Variants in LDB2 observed in about 807,000 individuals in gnomAD.
LDB2 encodes LIM domain binding 2.
Under a neutral mutation model 44.3 loss-of-function variants are expected in LDB2, and 12 were observed. The observed-to-expected ratio is 0.27, with a 90% CI of 0.17 to 0.44. LDB2 has a LOEUF of 0.44. Ranked by LOEUF, LDB2 falls within the 20% of genes least tolerant of loss-of-function variation. The pLI, the probability that LDB2 is intolerant of heterozygous loss-of-function variation, is 1.00. For missense variants in LDB2, 344 were observed against 473.5 expected, an observed-to-expected ratio of 0.73 and a Z score of 2.54; for synonymous variants, 164 against 174.8, an observed-to-expected ratio of 0.94 and a Z score of 0.49.
At chr4:16,810,344 T>A (rs1340722522) in intron 1 of LDB2, among the ~76,000 whole-genome samples, 1 of 152,176 alleles carries the variant, frequency 6.6e-6, no homozygotes, top group Non-Finnish European at 1.5e-5. Context: ...AAACTCTACC[T>A]CATTCCAGAC....
intron 2 of LDB2, among the ~76,000 whole-genome samples, chr4:16,752,647 G>A (rs1765708252): frequency 6.6e-6 from 1 of 152,168 alleles, no homozygotes; most frequent in Admixed American, 6.5e-5. Context: ...TTTACTCTGT[G>A]CTTTTCAAGA....
chr4:16,885,446 G>A (rs907283096), intron 1 of LDB2, among the ~76,000 whole-genome samples: 9 of 152,200 alleles, frequency 5.9e-5, no homozygotes, highest in Non-Finnish European at 1.2e-4. Context: ...ACAAATATGA[G>A]CAAGATAGTG....
chr4:16,864,623 C>T (rs891525216), intron 1 of LDB2, among the ~76,000 whole-genome samples: 1 of 152,172 alleles, frequency 6.6e-6, no homozygotes, highest in Non-Finnish European at 1.5e-5. Flanking sequence ...GCAACCAACT[C>T]TTAAGAAATA....
chr4:16,739,595 TA>T (rs1305144396), intron 2 of LDB2, among the ~76,000 whole-genome samples: 1 of 86,354 alleles, frequency 1.2e-5, no homozygotes, highest in Non-Finnish European at 2.2e-5. Context: ...AAAAAATATA[TA>T]TATATATATA....
intron 5 of LDB2, among the ~76,000 whole-genome samples, chr4:16,524,675 G>A (rs1468743586): frequency 6.6e-6 from 1 of 152,174 alleles, no homozygotes; most frequent in East Asian, 1.9e-4. Context: ...TAAACCCTCT[G>A]CAAATGCCAT....
chr4:16,817,684 A>G (rs1781206767), intron 1 of LDB2, among the ~76,000 whole-genome samples: 1 of 152,172 alleles, frequency 6.6e-6, no homozygotes, highest in Non-Finnish European at 1.5e-5. Flanking sequence ...CTTTCTGTGT[A>G]CCAGTATTGA....
In LDB2 at chr4:16,591,762, T is replaced by TA. The variant is rs578239061; in HGVS notation, c.409-2931dup. Among the ~76,000 whole-genome samples the TA allele has an allele frequency of 1.2e-3, 188 of 152,202 alleles. 1 individual carries two copies. The highest frequency in any genetic ancestry group is 5.9e-4 in the Non-Finnish European group (40 of 68,010). On this transcript the variant is annotated intron_variant, in intron 3 of 7. Transcript: ENST00000304523. ...ATATGTATTTCCTATTCAGAAATGGTAAAAAAACAGGCATAGCCTATAAAA... is the reference window on the plus strand; with the variant it reads ...ATATGTATTTCCTATTCAGAAATGGTAAAAAAAACAGGCATAGCCTATAAAA...
intron 5 of LDB2, among the ~76,000 whole-genome samples, chr4:16,548,073 C>T (rs913628034): frequency 1.3e-5 from 2 of 152,028 alleles, no homozygotes; most frequent in Admixed American, 1.3e-4. Context: ...ATTCTCCTGC[C>T]TCGGCCTCCC....
intron 1 of LDB2, among the ~76,000 whole-genome samples, chr4:16,855,013 G>GA (rs111464565): frequency 4.7e-4 from 44 of 94,564 alleles, no homozygotes; most frequent in African/African-American, 1.0e-3. Flanking sequence ...CAACCCAATA[G>GA]AAAAAATGGG....
chr4:16,530,594 C>A (rs1378960292), intron 5 of LDB2, among the ~76,000 whole-genome samples: 2 of 152,206 alleles, frequency 1.3e-5, no homozygotes, highest in Non-Finnish European at 2.9e-5. Context: ...AATACATATT[C>A]CTTTCTTCTG....
At chr4:16,628,567 A>AT (rs1252843460) in intron 2 of LDB2, among the ~76,000 whole-genome samples, 1 of 151,492 alleles carries the variant, frequency 6.6e-6, no homozygotes, top group Non-Finnish European at 1.5e-5. Flanking sequence ...GGTGAGTTAA[A>AT]TCTTTTTTTT....
At chr4:16,728,131 G>A (rs1357662120) in intron 2 of LDB2, among the ~76,000 whole-genome samples, 1 of 152,148 alleles carries the variant, frequency 6.6e-6, no homozygotes, top group Non-Finnish European at 1.5e-5. Flanking sequence ...AAAAAGTAAG[G>A]AGGTGGCACA....
At chr4:16,880,764 T>C (rs1198167347) in intron 1 of LDB2, among the ~76,000 whole-genome samples, 7 of 150,468 alleles carry the variant, frequency 4.7e-5, no homozygotes, top group Non-Finnish European at 8.9e-5. Context: ...ATTAGCCGAG[T>C]GTGGTGGCGG....
chr4:16,788,568 T>G (rs1040998351), intron 1 of LDB2, among the ~76,000 whole-genome samples: 4 of 152,140 alleles, frequency 2.6e-5, no homozygotes, highest in African/African-American at 9.7e-5. Flanking sequence ...CCCCAAGCCA[T>G]CCCAACCCCT....
At chr4:16,669,209 T>G (rs757416570) in intron 2 of LDB2, among the ~76,000 whole-genome samples, 3 of 152,224 alleles carry the variant, frequency 2.0e-5, no homozygotes, top group Non-Finnish European at 2.9e-5. Context: ...ATTATGTAAT[T>G]TGACCATGAC....
intron 1 of LDB2, among the ~76,000 whole-genome samples, chr4:16,798,038 A>G (rs1777083332): frequency 1.4e-5 from 2 of 148,006 alleles, no homozygotes; most frequent in South Asian, 4.2e-4. Context: ...CTGTCTCGAA[A>G]AAAAAAAAAA....
chr4:16,542,104 G>GGT (rs1553889175), intron 5 of LDB2, among the ~76,000 whole-genome samples: 3 of 147,500 alleles, frequency 2.0e-5, no homozygotes, highest in African/African-American at 7.6e-5. Context: ...CAGGTGGTGG[G>GGT]GGGGGGGGCG....
chr4:16,630,488 A>G (rs951617201), intron 2 of LDB2, among the ~76,000 whole-genome samples: 2 of 152,234 alleles, frequency 1.3e-5, no homozygotes, highest in African/African-American at 4.8e-5. Flanking sequence ...AAACATGCCA[A>G]ATTGTAAAGA....
intron 2 of LDB2, among the ~76,000 whole-genome samples, chr4:16,669,563 A>T (rs1164013713): frequency 1.3e-5 from 2 of 152,246 alleles, no homozygotes; most frequent in Non-Finnish European, 2.9e-5. Context: ...TGACAAATAT[A>T]GTAATATATT....
Sources: allele counts gnomAD v4.1 joint callset (sites outside exome capture counted in the v4.1 genomes callset), GRCh38; gene constraint gnomAD v4.1.1; transcripts MANE v1.5; gene names NCBI Gene and HGNC (gene_info 2026-07-23, HGNC 2026-07-21).